Variants in MFAP3L observed in about 807,000 individuals in gnomAD.
MFAP3L encodes the protein microfibrillar-associated protein 3-like.
A neutral mutation model predicts 20.0 loss-of-function variants in MFAP3L; 5 were observed. The ratio of observed to expected loss-of-function variants is 0.25; its 90% CI spans 0.13 to 0.53. MFAP3L has a LOEUF of 0.53. Among genes scored for constraint, MFAP3L ranks in the 20% least tolerant of loss-of-function variants. The pLI, the probability that MFAP3L is intolerant of heterozygous loss-of-function variation, is 0.96. For synonymous variants in MFAP3L, 219 were observed against 213.0 expected (o/e 1.03, Z -0.25); for missense variants, 409 against 527.5 (o/e 0.78, Z 2.20).
Position 170,007,544 on chromosome 4 carries a change from C to T in MFAP3L, c.-133-1534G>A, listed in dbSNP as rs564336261. Reference sequence around the variant, plus strand: ...TATACCAAACACCTATGTACTGCTGCCTTGATAAACAAGAATTATTAGCAC... The same window carrying T: ...TATACCAAACACCTATGTACTGCTGTCTTGATAAACAAGAATTATTAGCAC... On this transcript the variant is annotated intron_variant, in intron 1 of 2. Transcript: ENST00000361618. Among the ~76,000 whole-genome samples the T allele has an allele frequency of 5.9e-5, 9 of 152,282 alleles. No homozygotes were observed. The South Asian group carries it at 1.7e-3, about 28-fold the overall frequency.
intron 1 of MFAP3L, among the ~76,000 whole-genome samples, chr4:170,014,892 T>C (rs1247968774): frequency 6.6e-6 from 1 of 152,212 alleles, no homozygotes; most frequent in African/African-American, 2.4e-5. Context: ...CAGCTCATAA[T>C]AAAGCTACTC....
chr4:170,013,070 T>C (rs1739483985), intron 1 of MFAP3L, among the ~76,000 whole-genome samples: 1 of 152,226 alleles, frequency 6.6e-6, no homozygotes, highest in Non-Finnish European at 1.5e-5. Context: ...GCCATCTTCA[T>C]AAAACTTTAT....
In MFAP3L at chr4:170,026,381, G is replaced by C. The variant is rs1159509947; in HGVS notation, c.-281C>G. On this transcript the variant is annotated 5_prime_UTR_variant, in exon 1 of 3. Coordinates refer to ENST00000361618, the MANE Select transcript of MFAP3L (RefSeq NM_021647.8). ...CCGCCGGCGCCTCACAGCGTTGCGA[G>C]CTGCGCCGCCGGCTGCCGGGAGCGC... 6.6e-6 allele frequency: 5 copies of C among 763,042 alleles called. No homozygotes were observed. The highest frequency in any genetic ancestry group is 6.3e-5 in the Admixed American group (1 of 15,784). 47.3% of individuals were successfully genotyped at this position (763,042 alleles called of 1,614,324 possible). A position where few individuals can be genotyped will look rare whatever the true frequency, so the allele number is the denominator to read the frequency against.
At chr4:170,024,553 A>G (rs1257053771) in intron 1 of MFAP3L, among the ~76,000 whole-genome samples, 1 of 152,224 alleles carries the variant, frequency 6.6e-6, no homozygotes, top group Non-Finnish European at 1.5e-5. Flanking sequence ...ATTATTCAAT[A>G]TTTGTGTTGG....
chr4:169,996,675 T>C (rs1738193139), intron 2 of MFAP3L, among the ~76,000 whole-genome samples: 1 of 152,092 alleles, frequency 6.6e-6, no homozygotes, highest in African/African-American at 2.4e-5. Flanking sequence ...AGCTGACCAC[T>C]AGAAAACCGA....
rs527775866 is a variant in MFAP3L, at chr4:170,008,896, G to A, written c.-133-2886C>T. 3.9e-5 allele frequency among the ~76,000 whole-genome samples: 6 copies of A among 152,240 alleles called. No individual in the cohort carries two copies. The South Asian group carries it at 1.0e-3, about 26-fold the overall frequency. ...TTCAGTAGGATTTCCTTATTGCTAG[G>A]CACCCATAATCACGTTTACACACTT... is the stretch of plus-strand genomic sequence containing the variant. On this transcript the variant is annotated intron_variant, in intron 1 of 2. Transcript: ENST00000361618.
chr4:170,000,248 T>G (rs138158410), intron 2 of MFAP3L, among the ~76,000 whole-genome samples: 9 of 152,214 alleles, frequency 5.9e-5, no homozygotes. Context: ...CTCACTGTCA[T>G]AGCAGTCAGA....
chr4:170,010,323 C>A (rs994580364), intron 1 of MFAP3L, among the ~76,000 whole-genome samples: 1 of 152,198 alleles, frequency 6.6e-6, no homozygotes, highest in Non-Finnish European at 1.5e-5. Context: ...GAACAAAATT[C>A]TCACTGGCTC....
chr4:170,000,266 T>G (rs1445227108), intron 2 of MFAP3L, among the ~76,000 whole-genome samples: 2 of 152,228 alleles, frequency 1.3e-5, no homozygotes, highest in Admixed American at 6.5e-5. Flanking sequence ...AGAACATTAT[T>G]TTGAAATTTC....
chr4:169,996,777 C>T (rs1300751955), intron 2 of MFAP3L, among the ~76,000 whole-genome samples: 2 of 152,126 alleles, frequency 1.3e-5, no homozygotes, highest in Admixed American at 6.6e-5. Context: ...AGACCTGGAG[C>T]CCCGCCTGCT....
At position 170,008,003 on chromosome 4, in the gene MFAP3L, C is replaced by T. The variant is rs77135885; in HGVS notation, c.-133-1993G>A. ...CAAGAGCTGTTTTCAAACAGAGGCT[C>T]TCCACATTTGGCTTTCTACGTTCAA... On this transcript the variant is annotated intron_variant, in intron 1 of 2. Coordinates refer to ENST00000361618, the MANE Select transcript of MFAP3L (RefSeq NM_021647.8). Among the ~76,000 whole-genome samples, 2,173 of 152,248 alleles carry T rather than the reference C, an allele frequency of 0.014. 147 individuals carry two copies. In the East Asian group the frequency reaches 0.21, roughly 15 times the overall value.
rs374730137 is a variant in MFAP3L, at chr4:170,005,924, G to A, written c.-47C>T. 54 of 1,576,204 alleles carry A rather than the reference G, an allele frequency of 3.4e-5. No individual in the cohort carries two copies. The highest frequency in any genetic ancestry group is 1.7e-4 in the Middle Eastern group (1 of 5,804). On this transcript the variant is annotated 5_prime_UTR_variant, in exon 2 of 3. Transcript: ENST00000361618. ...GCAATAGAGAGATGGTTTGCCAACC[G>A]AATCTTCTATCAGACAACACACTGT...
intron 1 of MFAP3L, among the ~76,000 whole-genome samples, chr4:170,010,123 G>A (rs4692781): frequency 0.063 from 9,549 of 152,158 alleles, 417 homozygotes; most frequent in Non-Finnish European, 0.094. Flanking sequence ...CATATGAATT[G>A]GAAAGTGGCA....
chr4:169,989,559 C>T lies in MFAP3L; in HGVS notation c.*1819G>A, dbSNP rs1174984740. The T allele has an allele frequency of 1.3e-5, 2 of 152,190 alleles. No homozygotes were observed. Among genetic ancestry groups the T allele is most frequent in the African/African-American group, 4.8e-5 (2 of 41,446 alleles). The allele number at this position is 152,190 out of a possible 1,614,324, so 9.4% of individuals were successfully genotyped here. A position where few individuals can be genotyped will look rare whatever the true frequency, so the allele number is the denominator to read the frequency against. Reference sequence around the variant, plus strand: ...ATAAATGTTTCAACTAGAAGGGATCCTGTAGACCCTCGAGTACTACCTGCA... The same window carrying T: ...ATAAATGTTTCAACTAGAAGGGATCTTGTAGACCCTCGAGTACTACCTGCA... On this transcript the variant is annotated 3_prime_UTR_variant, in exon 3 of 3. Transcript: ENST00000361618.
intron 1 of MFAP3L, among the ~76,000 whole-genome samples, chr4:170,008,553 A>G (rs1240961721): frequency 6.6e-6 from 1 of 152,204 alleles, no homozygotes; most frequent in Non-Finnish European, 1.5e-5. Flanking sequence ...AGACATACAG[A>G]TAACTTCAAT....
In MFAP3L at chr4:170,015,723, T is replaced by C. The variant is rs530126447; in HGVS notation, c.-133-9713A>G. 1.8e-4 allele frequency among the ~76,000 whole-genome samples: 28 copies of C among 152,316 alleles called. 1 individual carries two copies. The highest frequency in any genetic ancestry group is 6.8e-3 in the Middle Eastern group (2 of 294). ...TATATGGAAGACGGGCCGGTCCTCT[T>C]GGGCACAGCTGCAGGTTTCTCCCTC... On this transcript the variant is annotated intron_variant, in intron 1 of 2. Transcript: ENST00000361618.
intron 2 of MFAP3L, among the ~76,000 whole-genome samples, chr4:170,001,076 T>C (rs897988259): frequency 1.3e-5 from 2 of 152,170 alleles, no homozygotes; most frequent in Non-Finnish European, 2.9e-5. Flanking sequence ...GAATTCAGTA[T>C]AACAGGTTAA....
At chr4:169,994,322 C>G (rs937047257) in intron 2 of MFAP3L, 2 of 985,262 alleles carry the variant, frequency 2.0e-6, no homozygotes, top group African/African-American at 3.5e-5. Context: ...CTTTTTGGAA[C>G]AGTTATCTGT....
At position 169,991,438 on chromosome 4, in the gene MFAP3L, G is replaced by A. The variant is rs1315443445; in HGVS notation, c.1170C>T (p.Ala390=). ...DKVLPPAYLE[A]TEPAVTHDKN... is the part of the protein sequence containing the mutation. The stretch of plus-strand genomic sequence containing the variant: ...TGTCATGTGTCACTGCTGGCTCTGT[G>A]GCTTCCAGGTAAGCTGGCGGCAGTA... The change falls in exon 3 of 3, where the codon GCC becomes GCT. Residue 390 remains alanine (A), a synonymous_variant. Transcript: ENST00000361618. The surrounding 1 kb of genome is among the most constrained non-coding windows in gnomAD (Gnocchi z 4.9). 6.2e-7 allele frequency: 1 copy of A among 1,613,944 alleles called. No homozygotes were observed. Among genetic ancestry groups the A allele is most frequent in the African/African-American group, 1.3e-5 (1 of 74,866 alleles).
Sources: gnomAD v4.1 joint callset for allele counts (sites outside exome capture counted in the v4.1 genomes callset) on GRCh38, gnomAD v4.1.1 for gene constraint, Gnocchi (gnomAD v3.1) non-coding constraint, MANE v1.5 for transcripts, NCBI Gene and HGNC (gene_info 2026-07-23, HGNC 2026-07-21) for gene names.